PLEKHA6: variants seen among roughly 807,000 people sequenced by gnomAD.
PLEKHA6 encodes pleckstrin homology domain containing A6, also known as pleckstrin homology domain-containing family A member 6.
Under a neutral mutation model 116.7 loss-of-function variants are expected in PLEKHA6, and 60 were observed. The ratio of observed to expected loss-of-function variants is 0.51; its 90% CI spans 0.42 to 0.64. The LOEUF (loss-of-function observed/expected upper bound fraction) is 0.64, where lower values mean the gene tolerates loss of function less well. PLEKHA6 is among the 30% of genes least tolerant of loss of function. The pLI is 0.00. For missense variants in PLEKHA6, 1,338 were observed against 1,422.7 expected, an observed-to-expected ratio of 0.94 and a Z score of 0.96; for synonymous variants, 489 against 556.1, an observed-to-expected ratio of 0.88 and a Z score of 1.70.
rs1195970572 is a variant in PLEKHA6, at chr1:204,354,585, G to A, written c.-95+5109C>T. Among the ~76,000 whole-genome samples the A allele has an allele frequency of 3.3e-5, 5 of 152,306 alleles. No individual in the cohort carries two copies. In the East Asian group the frequency reaches 9.7e-4, roughly 29 times the overall value. On this transcript the variant is annotated intron_variant, in intron 1 of 22. Coordinates refer to ENST00000272203, the MANE Select transcript of PLEKHA6 (RefSeq NM_014935.5). Reference sequence around the variant, plus strand: ...CACCTAGGTATCAGCTAGGTAGGTGGTAGTGATACTAACCCCAGTTCTCAG... The same window carrying A: ...CACCTAGGTATCAGCTAGGTAGGTGATAGTGATACTAACCCCAGTTCTCAG...
At chr1:204,243,462 C>T (rs1475300138) in intron 15 of PLEKHA6, among the ~76,000 whole-genome samples, 13 of 152,170 alleles carry the variant, frequency 8.5e-5, no homozygotes, top group Non-Finnish European at 1.6e-4. Flanking sequence ...CAAGGCCTTC[C>T]TTGACCCAGC....
At chr1:204,247,823 C>T (rs538408090) in intron 12 of PLEKHA6, among the ~76,000 whole-genome samples, 13 of 152,180 alleles carry the variant, frequency 8.5e-5, no homozygotes, top group South Asian at 8.3e-4. Context: ...GGCATGGTGG[C>T]GCACCCCTGT....
Position 204,259,642 on chromosome 1 carries a change from C to A in PLEKHA6, c.623G>T (p.Arg208Leu). The A allele has an allele frequency of 6.2e-7, 1 of 1,614,188 alleles. No homozygotes were observed. Among genetic ancestry groups the A allele is most frequent in the South Asian group, 1.1e-5 (1 of 91,082 alleles). ...LPKPEPEAKT[R>L]GEGDGRGCEK... ...ACAGCCTCGGCCATCACCCTCCCCTCGAGTCTTGGCCTCTGGCTCAGGCTT... is the reference window on the plus strand; with the variant it reads ...ACAGCCTCGGCCATCACCCTCCCCTAGAGTCTTGGCCTCTGGCTCAGGCTT... The change falls in exon 8 of 23, where the codon CGA becomes CTA. Residue 208 changes from arginine (R) to leucine (L), a missense_variant. By Grantham distance (102) the Arg-to-Leu change is moderately radical (BLOSUM62 -2). Coordinates refer to ENST00000272203, the MANE Select transcript of PLEKHA6 (RefSeq NM_014935.5). This position sits in a 1 kb window ranked among gnomAD's most constrained non-coding sequence, Gnocchi z 4.6.
intron 1 of PLEKHA6, chr1:204,346,639 T>A: frequency 1.5e-6 from 1 of 645,552 alleles, no homozygotes; most frequent in Non-Finnish European, 2.7e-6. Context: ...CTCCCTCACT[T>A]CCCAATGTGG....
chr1:204,229,775 G>A (rs576326407), intron 18 of PLEKHA6, among the ~76,000 whole-genome samples: 14 of 152,314 alleles, frequency 9.2e-5, no homozygotes, highest in Non-Finnish European at 1.9e-4. Flanking sequence ...AATGTAAGCT[G>A]TTGAGGACAG....
chr1:204,240,434 G>A (rs1457145661), intron 17 of PLEKHA6, among the ~76,000 whole-genome samples: 1 of 152,234 alleles, frequency 6.6e-6, no homozygotes, highest in Non-Finnish European at 1.5e-5. Context: ...GACTGTAATG[G>A]TCATGAGTAT....
At chr1:204,324,979 G>A (rs4304647) in intron 1 of PLEKHA6, among the ~76,000 whole-genome samples, 46,379 of 151,800 alleles carry the variant, frequency 0.31, 7,310 homozygotes, top group African/African-American at 0.38. Context: ...GTGCAGTGGC[G>A]TGATCTCAGC....
Position 204,223,682 on chromosome 1 carries a change from G to T in PLEKHA6, c.3032-97C>A, listed in dbSNP as rs1659951507. 1.6e-6 allele frequency: 1 copy of T among 643,762 alleles called. No homozygotes were observed. Among genetic ancestry groups the T allele is most frequent in the Non-Finnish European group, 2.8e-6 (1 of 353,400 alleles). The allele number at this position is 643,762 out of a possible 1,614,324, so 39.9% of individuals were successfully genotyped here. The stretch of plus-strand genomic sequence containing the variant: ...AGGCCCTCCCCAGGCAGGGAGTGAG[G>T]CAGGGAGGCAAGCGAAGAGAGAGCA... On this transcript the variant is annotated intron_variant, in intron 21 of 22. Transcript: ENST00000272203. This position sits in a 1 kb window ranked among gnomAD's most constrained non-coding sequence, Gnocchi z 4.8.
chr1:204,236,899 G>A (rs1302235322), intron 17 of PLEKHA6, among the ~76,000 whole-genome samples: 11 of 152,116 alleles, frequency 7.2e-5, no homozygotes, highest in Admixed American at 2.6e-4. Context: ...TTGAATGAAG[G>A]GGAGGCAGGG....
At chr1:204,281,904 C>G (rs545712402) in intron 1 of PLEKHA6, among the ~76,000 whole-genome samples, 1 of 152,288 alleles carries the variant, frequency 6.6e-6, no homozygotes, top group African/African-American at 2.4e-5. Flanking sequence ...CACCCCCAGC[C>G]CCATCCCAAA....
chr1:204,341,097 G>T (rs1421875920), intron 1 of PLEKHA6, among the ~76,000 whole-genome samples: 1 of 152,186 alleles, frequency 6.6e-6, no homozygotes, highest in Non-Finnish European at 1.5e-5. Context: ...TCCTACCGTG[G>T]TCTGCAGCCA....
chr1:204,285,501 G>A (rs1669065918), intron 1 of PLEKHA6, among the ~76,000 whole-genome samples: 1 of 148,922 alleles, frequency 6.7e-6, no homozygotes, highest in South Asian at 2.1e-4. Context: ...TTTGAGACAC[G>A]TTCTTGTTCT....
intron 1 of PLEKHA6, among the ~76,000 whole-genome samples, chr1:204,316,635 C>T (rs951099394): frequency 2.0e-5 from 3 of 152,288 alleles, no homozygotes; most frequent in Middle Eastern, 3.4e-3. Flanking sequence ...GTCACAGTTT[C>T]CCTCGGTTTC....
rs1270572970 is a variant in PLEKHA6 at position 204,223,500 on chromosome 1, G to A, written c.3117C>T (p.Gly1039=). The change falls in exon 22 of 23, where the codon GGC becomes GGT. Residue 1039 remains glycine, a synonymous_variant. Transcript: ENST00000272203. This position sits in a 1 kb window ranked among gnomAD's most constrained non-coding sequence, Gnocchi z 4.8. ...ANPLSSESPR[G]ADSSYTMRV Reference sequence around the variant, plus strand: ...CCCGCATGGTATAGCTGCTGTCGGCGCCCCGTGGGGATTCAGACGACAGGG... The same window carrying A: ...CCCGCATGGTATAGCTGCTGTCGGCACCCCGTGGGGATTCAGACGACAGGG... The A allele has an allele frequency of 5.2e-6, 8 of 1,549,212 alleles. No homozygotes were observed. The Admixed American group carries it at 1.6e-4, about 30-fold the overall frequency.
Position 204,223,395 on chromosome 1 carries a change from G to T in PLEKHA6, c.*8+67C>A. ...ATACCAAAATGAGAGGGCATAGATGGCTCAATGGGGGTGAAGGAAGGGGCC... is the reference window on the plus strand; with the variant it reads ...ATACCAAAATGAGAGGGCATAGATGTCTCAATGGGGGTGAAGGAAGGGGCC... On this transcript the variant is annotated intron_variant, in intron 22 of 22. Coordinates refer to ENST00000272203, the MANE Select transcript of PLEKHA6 (RefSeq NM_014935.5). This position sits in a 1 kb window ranked among gnomAD's most constrained non-coding sequence, Gnocchi z 4.8. 2 of 793,832 alleles carry T rather than the reference G, an allele frequency of 2.5e-6. No individual in the cohort carries two copies. Among genetic ancestry groups the T allele is most frequent in the Non-Finnish European group, 4.4e-6 (2 of 454,438 alleles). The allele number at this position is 793,832 out of a possible 1,614,324, so 49.2% of individuals were successfully genotyped here.
upstream of PLEKHA6, among the ~76,000 whole-genome samples, chr1:204,363,941 A>G (rs922340850): frequency 5.3e-5 from 8 of 152,174 alleles, no homozygotes; most frequent in Non-Finnish European, 1.2e-4. Context: ...CACTCTTCCC[A>G]GTAAATGACA....
At chr1:204,346,598 T>C (rs1008813390) in intron 1 of PLEKHA6, among the ~76,000 whole-genome samples, 1 of 152,278 alleles carries the variant, frequency 6.6e-6, no homozygotes, top group African/African-American at 2.4e-5. Context: ...GCAGGAAACA[T>C]GGAAACATCC....
intron 12 of PLEKHA6, 35 bp from the exon 13 acceptor site, chr1:204,247,495 C>T (rs748723279): frequency 2.9e-5 from 41 of 1,401,620 alleles, no homozygotes; most frequent in Non-Finnish European, 3.4e-5. Context: ...GAGAAAGCCG[C>T]CATCACCAAG....
rs759768696 is a variant in PLEKHA6, at chr1:204,265,041, A to G, written c.282T>C (p.Asp94=). 6.2e-7 allele frequency: 1 copy of G among 1,608,270 alleles called. No homozygotes were observed. ...LVDRCLFYYK[D]EKEESILGSI... is the part of the protein sequence containing the mutation. ...TGCCCAGGATACTCTCTTCCTTCTC[A>G]TCTGTCAGGGAGAGAGGCACAAGAA... The change falls in exon 6 of 23, where the codon GAT becomes GAC. Residue 94 remains aspartate (D), a splice_region_variant and synonymous_variant. Transcript: ENST00000272203.
Sources: allele counts gnomAD v4.1 joint callset (sites outside exome capture counted in the v4.1 genomes callset), GRCh38; gene constraint gnomAD v4.1.1; non-coding constraint Gnocchi (gnomAD v3.1); transcripts MANE v1.5; gene names NCBI Gene and HGNC (gene_info 2026-07-23, HGNC 2026-07-21).